Variants in PIGK observed in about 807,000 individuals in gnomAD.
The protein encoded by PIGK is phosphatidylinositol glycan anchor biosynthesis class K, also known as GPI-anchor transamidase.
Under a neutral mutation model 50.6 loss-of-function variants are expected in PIGK, and 42 were observed. That is an observed-to-expected ratio of 0.83 (90% CI 0.65 to 1.07). The LOEUF is 1.07. Ranked by LOEUF, PIGK falls within the 50% of genes least tolerant of loss-of-function variation. PIGK has a pLI of 0.00. For missense variants in PIGK, 448 were observed against 488.7 expected (o/e 0.92, Z 0.78); for synonymous variants, 151 against 156.0 (o/e 0.97, Z 0.24).
At chr1:77,093,336 G>A (rs957533331) in intron 10 of PIGK, among the ~76,000 whole-genome samples, 4 of 152,000 alleles carry the variant, frequency 2.6e-5, no homozygotes, top group Admixed American at 2.0e-4. Context: ...TCTCCATTTA[G>A]TTGTCATTTC....
intron 10 of PIGK, among the ~76,000 whole-genome samples, chr1:77,095,513 T>C (rs1360351121): frequency 2.6e-5 from 4 of 151,998 alleles, no homozygotes; most frequent in Non-Finnish European, 5.9e-5. Flanking sequence ...CATTCCCAGT[T>C]CCCAGTGGCA....
chr1:77,219,243 T>C (rs1656661131), intron 1 of PIGK, 67 bp downstream of exon 1: 1 of 1,316,192 alleles, frequency 7.6e-7, no homozygotes, highest in Non-Finnish European at 1.1e-6. Flanking sequence ...AGCTACTGTG[T>C]ATCGGACATC....
chr1:77,174,551 A>G (rs575612334), intron 3 of PIGK, among the ~76,000 whole-genome samples: 1 of 152,278 alleles, frequency 6.6e-6, no homozygotes, highest in Admixed American at 6.5e-5. Context: ...CAGGTAGGAA[A>G]TATACTTTTA....
rs116792053 is a variant in PIGK at position 77,144,360 on chromosome 1, G to A, written c.986+10089C>T. ...TTTCCATATGATACAGAACTTTATCGTCTAAAAATCCAAATGAATTTGCCT... is the reference window on the plus strand; with the variant it reads ...TTTCCATATGATACAGAACTTTATCATCTAAAAATCCAAATGAATTTGCCT... On this transcript the variant is annotated intron_variant, in intron 9 of 10. Transcript: ENST00000370812. Among the ~76,000 whole-genome samples, 318 of 151,862 alleles carry A rather than the reference G, an allele frequency of 2.1e-3. 2 individuals are homozygous for A. Among genetic ancestry groups the A allele is most frequent in the African/African-American group, 7.1e-3 (295 of 41,522 alleles).
chr1:77,094,721 C>CT (rs1355118623), intron 10 of PIGK, among the ~76,000 whole-genome samples: 1 of 152,088 alleles, frequency 6.6e-6, no homozygotes. Context: ...TTGAAAGTAA[C>CT]TATCATTTTT....
chr1:77,100,692 G>T (rs971862380), intron 10 of PIGK, among the ~76,000 whole-genome samples: 1 of 152,010 alleles, frequency 6.6e-6, no homozygotes, highest in Non-Finnish European at 1.5e-5. Context: ...CTAATCAGAT[G>T]GGCCCTTTAA....
In PIGK at chr1:77,160,773, C is replaced by T. The variant is rs112063663; in HGVS notation, c.813+522G>A. On this transcript the variant is annotated intron_variant, in intron 8 of 10. Transcript: ENST00000370812. ...GGAAAAAAATCTAAATTAAATTCAA[C>T]AAGCCTTGTCAAATGACTATACTAT... is the stretch of plus-strand genomic sequence containing the variant. 4.7e-3 allele frequency among the ~76,000 whole-genome samples: 713 copies of T among 152,224 alleles called. 4 individuals carry two copies. Among genetic ancestry groups the T allele is most frequent in the Middle Eastern group, 0.027 (8 of 294 alleles).
At chr1:77,162,277 G>A (rs191290747) in intron 6 of PIGK, among the ~76,000 whole-genome samples, 146 of 152,276 alleles carry the variant, frequency 9.6e-4, no homozygotes, top group Admixed American at 2.2e-3. Flanking sequence ...AGGAGGAACT[G>A]CAAAGAAAAG....
intron 8 of PIGK, among the ~76,000 whole-genome samples, chr1:77,159,124 C>T (rs1373302873): frequency 6.6e-6 from 1 of 152,204 alleles, no homozygotes; most frequent in East Asian, 1.9e-4. Context: ...ACTTGATGTC[C>T]TGTGTCCCAG....
At chr1:77,174,649 G>T (rs1003689911) in intron 3 of PIGK, among the ~76,000 whole-genome samples, 14 of 152,126 alleles carry the variant, frequency 9.2e-5, no homozygotes, top group Non-Finnish European at 1.3e-4. Context: ...AGAAGTTATG[G>T]AAATGTCCCC....
intron 3 of PIGK, among the ~76,000 whole-genome samples, chr1:77,184,425 C>T (rs748087318): frequency 9.9e-5 from 15 of 152,206 alleles, no homozygotes; most frequent in Admixed American, 2.6e-4. Flanking sequence ...GACCCCACTA[C>T]ATAACCAACA....
chr1:77,131,067 T>C (rs1437413287), intron 9 of PIGK, among the ~76,000 whole-genome samples: 1 of 152,026 alleles, frequency 6.6e-6, no homozygotes, highest in Non-Finnish European at 1.5e-5. Context: ...GTTCCACCTC[T>C]CCATTTATAG....
chr1:77,214,876 A>ATT (rs1238724130), intron 1 of PIGK, among the ~76,000 whole-genome samples: 1 of 152,176 alleles, frequency 6.6e-6, no homozygotes, highest in African/African-American at 2.4e-5. Context: ...GTTGAAGAAA[A>ATT]ATCAGGAATG....
At chr1:77,133,082 A>T (rs1654414651) in intron 9 of PIGK, among the ~76,000 whole-genome samples, 1 of 152,038 alleles carries the variant, frequency 6.6e-6, no homozygotes, top group Admixed American at 6.6e-5. Flanking sequence ...GTTTATTATC[A>T]CTTTAAATAT....
intron 10 of PIGK, among the ~76,000 whole-genome samples, chr1:77,111,881 G>T (rs1327665953): frequency 6.6e-6 from 1 of 151,980 alleles, no homozygotes; most frequent in African/African-American, 2.4e-5. Context: ...AGGTAACATG[G>T]ATACTATTCT....
intron 3 of PIGK, among the ~76,000 whole-genome samples, chr1:77,205,961 G>T (rs1192075911): frequency 2.0e-5 from 3 of 152,016 alleles, no homozygotes. Flanking sequence ...AGCTCTTCCA[G>T]TCACCCTGCA....
At chr1:77,173,170 G>A (rs1655405939) in intron 3 of PIGK, among the ~76,000 whole-genome samples, 3 of 152,116 alleles carry the variant, frequency 2.0e-5, no homozygotes, top group African/African-American at 4.8e-5. Context: ...CAGAAATGGT[G>A]AGATCTTACT....
intron 6 of PIGK, among the ~76,000 whole-genome samples, chr1:77,162,585 GAA>G (rs1373299025): frequency 6.6e-6 from 1 of 152,082 alleles, no homozygotes; most frequent in Admixed American, 6.6e-5. Flanking sequence ...TTTAATGAAA[GAA>G]TAATATAATC....
At chr1:77,143,398 T>A (rs186817981) in intron 9 of PIGK, among the ~76,000 whole-genome samples, 2 of 152,218 alleles carry the variant, frequency 1.3e-5, no homozygotes, top group Non-Finnish European at 2.9e-5. Flanking sequence ...GAGAAATTTT[T>A]ACCATCCTTT....
Sources: allele counts gnomAD v4.1 joint callset (sites outside exome capture counted in the v4.1 genomes callset), GRCh38; gene constraint gnomAD v4.1.1; transcripts MANE v1.5; gene names NCBI Gene and HGNC (gene_info 2026-07-23, HGNC 2026-07-21).